Variants in FOXP1 observed in about 807,000 individuals in gnomAD.
The protein encoded by FOXP1 is forkhead box protein P1.
FOXP1 carries 15 observed loss-of-function variants against 98.2 expected under a neutral mutation model. The observed-to-expected ratio is 0.15, with a 90% confidence interval of 0.10 to 0.24. The LOEUF is 0.24. FOXP1 is among the 10% of genes least tolerant of loss of function. FOXP1 has a pLI of 1.00. For synonymous variants in FOXP1, 371 were observed against 314.5 expected, an observed-to-expected ratio of 1.18 and a Z score of -1.90; for missense variants, 633 against 848.5, an observed-to-expected ratio of 0.75 and a Z score of 3.15.
At chr3:71,136,479 T>C (rs11719587) in intron 6 of FOXP1, among the ~76,000 whole-genome samples, 145,211 of 152,290 alleles carry the variant, frequency 0.95, 69,474 homozygotes, top group South Asian at 0.99. Context: ...CACATTAATA[T>C]ACCATGGTGC....
At chr3:71,364,702 A>G (rs2078798359) in intron 3 of FOXP1, among the ~76,000 whole-genome samples, 1 of 152,254 alleles carries the variant, frequency 6.6e-6, no homozygotes, top group Non-Finnish European at 1.5e-5. Flanking sequence ...ACATTGCAGT[A>G]CAACTGGTAG....
intron 3 of FOXP1, among the ~76,000 whole-genome samples, chr3:71,363,139 G>T (rs1323396391): frequency 6.6e-6 from 1 of 151,016 alleles, no homozygotes; most frequent in African/African-American, 2.4e-5. Context: ...AAAAAAAAAG[G>T]TGTGTTTAGA....
intron 3 of FOXP1, among the ~76,000 whole-genome samples, chr3:71,439,941 C>T (rs1326388294): frequency 9.0e-6 from 1 of 111,672 alleles, no homozygotes. Flanking sequence ...GAGTGAGACT[C>T]TGTCTCAGGA....
chr3:71,351,547 T>C (rs1433559349), intron 4 of FOXP1, among the ~76,000 whole-genome samples: 2 of 152,236 alleles, frequency 1.3e-5, no homozygotes, highest in African/African-American at 4.8e-5. Context: ...CTTATAAACC[T>C]ATAATTCTAC....
chr3:71,161,272 G>C (rs565471375), intron 6 of FOXP1, among the ~76,000 whole-genome samples: 1 of 152,164 alleles, frequency 6.6e-6, no homozygotes, highest in Admixed American at 6.5e-5. Flanking sequence ...TCAGCTAGGC[G>C]ATTCTTTGGT....
At chr3:71,414,182 C>G (rs2083015019) in intron 3 of FOXP1, among the ~76,000 whole-genome samples, 1 of 152,042 alleles carries the variant, frequency 6.6e-6, no homozygotes, top group Non-Finnish European at 1.5e-5. Flanking sequence ...AGTTTTAAAA[C>G]AATTTCCAAC....
chr3:71,319,552 C>T (rs1245435561), intron 4 of FOXP1, among the ~76,000 whole-genome samples: 2 of 152,080 alleles, frequency 1.3e-5, no homozygotes, highest in Admixed American at 1.3e-4. Context: ...AGTCTCATAG[C>T]CCCCTACTCT....
At chr3:71,537,959 A>T (rs2107585783) in intron 2 of FOXP1, among the ~76,000 whole-genome samples, 1 of 152,360 alleles carries the variant, frequency 6.6e-6, no homozygotes, top group East Asian at 1.9e-4. Flanking sequence ...AACCACACCC[A>T]GTCACTTACA....
At chr3:71,164,415 G>A (rs747035880) in intron 6 of FOXP1, among the ~76,000 whole-genome samples, 29 of 152,118 alleles carry the variant, frequency 1.9e-4, no homozygotes, top group Non-Finnish European at 4.1e-4. Context: ...TAGCCAGGAT[G>A]GTCTCGATCT....
At chr3:71,525,198 T>G (rs1370297792) in intron 2 of FOXP1, among the ~76,000 whole-genome samples, 1 of 152,206 alleles carries the variant, frequency 6.6e-6, no homozygotes, top group Non-Finnish European at 1.5e-5. Context: ...TAAAATGAAT[T>G]ATCACAAGTG....
At chr3:71,033,734 T>C (rs2047198348) in intron 11 of FOXP1, among the ~76,000 whole-genome samples, 1 of 152,022 alleles carries the variant, frequency 6.6e-6, no homozygotes, top group African/African-American at 2.4e-5. Flanking sequence ...CCATGCCACA[T>C]GGCCCTGAGA....
chr3:71,267,394 A>C (rs560211432), intron 5 of FOXP1, among the ~76,000 whole-genome samples: 3 of 152,300 alleles, frequency 2.0e-5, no homozygotes, highest in African/African-American at 7.2e-5. Context: ...CGATGGCTAG[A>C]TGTTCTTGAA....
intron 6 of FOXP1, among the ~76,000 whole-genome samples, chr3:71,154,899 A>C (rs1468924403): frequency 6.6e-6 from 1 of 152,210 alleles, no homozygotes; most frequent in Non-Finnish European, 1.5e-5. Flanking sequence ...CATTTGCAAT[A>C]AGATTTCAAA....
chr3:71,212,900 T>C (rs1386761485), intron 5 of FOXP1, among the ~76,000 whole-genome samples: 2 of 151,616 alleles, frequency 1.3e-5, no homozygotes, highest in Non-Finnish European at 2.9e-5. Flanking sequence ...GAAAATACAG[T>C]ATATTTTTAT....
intron 3 of FOXP1, among the ~76,000 whole-genome samples, chr3:71,462,598 C>T (rs887079335): frequency 6.6e-6 from 1 of 152,098 alleles, no homozygotes; most frequent in Non-Finnish European, 1.5e-5. Context: ...GAAATTTCAC[C>T]AGGTGTCTTC....
chr3:71,531,564 C>T (rs901474959), intron 2 of FOXP1, among the ~76,000 whole-genome samples: 3 of 152,156 alleles, frequency 2.0e-5, no homozygotes, highest in Non-Finnish European at 4.4e-5. Flanking sequence ...AGCACACTGC[C>T]TTGTTAGGAG....
At chr3:71,257,875 T>G (rs2068767424) in intron 5 of FOXP1, among the ~76,000 whole-genome samples, 1 of 152,180 alleles carries the variant, frequency 6.6e-6, no homozygotes, top group South Asian at 2.1e-4. Context: ...TTTCTGGACC[T>G]AAGTTTTCTC....
At chr3:71,048,584 T>C (rs1227083772) in intron 9 of FOXP1, among the ~76,000 whole-genome samples, 2 of 152,182 alleles carry the variant, frequency 1.3e-5, no homozygotes, top group Non-Finnish European at 2.9e-5. Flanking sequence ...AGTGTTTTCA[T>C]TTTAAGAACA....
At chr3:70,963,690 C>T (rs547905299) in intron 20 of FOXP1, among the ~76,000 whole-genome samples, 5 of 152,262 alleles carry the variant, frequency 3.3e-5, no homozygotes, top group East Asian at 3.9e-4. Flanking sequence ...AGCTGACTGG[C>T]GTTTAAAGGC....
Sources: gnomAD v4.1 joint callset for allele counts (sites outside exome capture counted in the v4.1 genomes callset) on GRCh38, gnomAD v4.1.1 for gene constraint, MANE v1.5 for transcripts, NCBI Gene and HGNC (gene_info 2026-07-23, HGNC 2026-07-21) for gene names.